The following CTNNA3 variants were observed in gnomAD, a reference collection of about 807,000 sequenced individuals.
The protein encoded by CTNNA3 is catenin alpha 3, also known as catenin alpha-3.
CTNNA3 carries 76 observed loss-of-function variants against 95.7 expected under a neutral mutation model. The ratio of observed to expected loss-of-function variants is 0.79; its 90% CI spans 0.66 to 0.96. The LOEUF (loss-of-function observed/expected upper bound fraction) is 0.96, where lower values mean the gene tolerates loss of function less well. Ranked by LOEUF, CTNNA3 falls within the 40% of genes least tolerant of loss-of-function variation. The pLI is 0.00. For synonymous variants in CTNNA3, 431 were observed against 374.4 expected (o/e 1.15, Z -1.74); for missense variants, 1,191 against 1,089.8 (o/e 1.09, Z -1.31).
At chr10:67,704,402 C>G (rs1841064215) in intron 1 of CTNNA3, among the ~76,000 whole-genome samples, 1 of 152,210 alleles carries the variant, frequency 6.6e-6, no homozygotes, top group Non-Finnish European at 1.5e-5. Context: ...GTAACCAAAA[C>G]AGCATGGTAC....
intron 1 of CTNNA3, among the ~76,000 whole-genome samples, chr10:67,702,144 C>A (rs1419845485): frequency 6.6e-6 from 1 of 152,158 alleles, no homozygotes; most frequent in Non-Finnish European, 1.5e-5. Context: ...GAGTGACCTA[C>A]AAAGAGACTT....
At chr10:66,600,969 G>C (rs1843901279) in intron 10 of CTNNA3, among the ~76,000 whole-genome samples, 1 of 151,840 alleles carries the variant, frequency 6.6e-6, no homozygotes, top group Non-Finnish European at 1.5e-5. Context: ...AAAATTATTA[G>C]TGTTCAAATC....
intron 10 of CTNNA3, among the ~76,000 whole-genome samples, chr10:66,607,564 T>C (rs1844174874): frequency 7.4e-6 from 1 of 134,424 alleles, no homozygotes; most frequent in Non-Finnish European, 1.6e-5. Context: ...CTCAACAAAA[T>C]ACCTGCAAAC....
At chr10:66,986,596 A>G (rs964870190) in intron 7 of CTNNA3, among the ~76,000 whole-genome samples, 1 of 152,202 alleles carries the variant, frequency 6.6e-6, no homozygotes, top group African/African-American at 2.4e-5. Context: ...TCTGTAGTTT[A>G]TAGGAGAATG....
intron 6 of CTNNA3, among the ~76,000 whole-genome samples, chr10:67,185,118 T>A (rs1343151950): frequency 6.6e-6 from 1 of 151,996 alleles, no homozygotes; most frequent in African/African-American, 2.4e-5. Flanking sequence ...TCTTCCTATT[T>A]TTCTTTTTTT....
At chr10:66,825,439 C>A (rs980730436) in intron 7 of CTNNA3, among the ~76,000 whole-genome samples, 2 of 151,488 alleles carry the variant, frequency 1.3e-5, no homozygotes, top group Non-Finnish European at 2.9e-5. Flanking sequence ...CCACACCCGG[C>A]TAATTTTGGT....
Position 66,668,863 on chromosome 10 carries a change from T to C in CTNNA3, c.1282-47079A>G, listed in dbSNP as rs1846557019. 2.0e-5 allele frequency among the ~76,000 whole-genome samples: 3 copies of C among 152,016 alleles called. No homozygotes were observed. In the South Asian group the frequency reaches 6.2e-4, roughly 32 times the overall value. On this transcript the variant is annotated intron_variant, in intron 9 of 17. Coordinates refer to ENST00000433211, the MANE Select transcript of CTNNA3 (RefSeq NM_013266.4). Reference sequence around the variant, plus strand: ...CACATATATATTCTATATATATATATCTCATTGTGCAAAGTTCCCAAATTA... The same window carrying C: ...CACATATATATTCTATATATATATACCTCATTGTGCAAAGTTCCCAAATTA...
chr10:67,374,251 T>C (rs1843607011), intron 5 of CTNNA3, among the ~76,000 whole-genome samples: 1 of 152,020 alleles, frequency 6.6e-6, no homozygotes, highest in South Asian at 2.1e-4. Context: ...AGTAAACAAG[T>C]GGGTGTGACT....
At chr10:66,779,533 T>G (rs1282961374) in intron 7 of CTNNA3, among the ~76,000 whole-genome samples, 1 of 152,002 alleles carries the variant, frequency 6.6e-6, no homozygotes. Context: ...ATTTTTTTTT[T>G]TGTACTTTTA....
chr10:67,048,208 T>C (rs2133173984), intron 7 of CTNNA3, among the ~76,000 whole-genome samples: 2 of 152,196 alleles, frequency 1.3e-5, no homozygotes, highest in East Asian at 3.9e-4. Context: ...AGGATTAACC[T>C]GGAAGACCCT....
chr10:67,101,119 C>T (rs1858311099), intron 7 of CTNNA3, among the ~76,000 whole-genome samples: 1 of 151,704 alleles, frequency 6.6e-6, no homozygotes, highest in African/African-American at 2.4e-5. Context: ...TATTTCTTAA[C>T]ATACAAGTTC....
At chr10:67,416,999 A>G (rs772916676) in intron 5 of CTNNA3, among the ~76,000 whole-genome samples, 1 of 152,212 alleles carries the variant, frequency 6.6e-6, no homozygotes, top group South Asian at 2.1e-4. Flanking sequence ...GTACTTGTAC[A>G]TTCATCACTG....
At chr10:67,331,854 G>A (rs75038081) in intron 5 of CTNNA3, among the ~76,000 whole-genome samples, 4,009 of 152,128 alleles carry the variant, frequency 0.026, 169 homozygotes, top group African/African-American at 0.088. Context: ...CAAACATAAT[G>A]TCTTCCCAGT....
chr10:67,344,626 T>TAAG (rs1842345256), intron 5 of CTNNA3, among the ~76,000 whole-genome samples: 2 of 152,090 alleles, frequency 1.3e-5, no homozygotes, highest in Non-Finnish European at 2.9e-5. Context: ...TGTTTCACCT[T>TAAG]ATTAGCTTAT....
chr10:66,001,161 C>T (rs139776145), intron 15 of CTNNA3, among the ~76,000 whole-genome samples: 55 of 152,058 alleles, frequency 3.6e-4, no homozygotes, highest in African/African-American at 9.2e-4. Context: ...GCATAGATTT[C>T]GGGGGTCATG....
chr10:66,758,571 A>G (rs1839470423), intron 9 of CTNNA3, among the ~76,000 whole-genome samples: 2 of 152,166 alleles, frequency 1.3e-5, no homozygotes, highest in African/African-American at 4.8e-5. Context: ...TCTTGACCAA[A>G]TACCATGTTG....
Position 67,464,621 on chromosome 10 carries a change from G to T in CTNNA3, c.579+57221C>A, listed in dbSNP as rs933927867. Among the ~76,000 whole-genome samples the T allele has an allele frequency of 2.6e-5, 4 of 152,198 alleles. No homozygotes were observed. The East Asian group carries it at 7.7e-4, about 29-fold the overall frequency. ...TACACTGAATATATAATTCATTAAA[G>T]CTAAAGGACAAAAAGATATCCATGT... is the stretch of plus-strand genomic sequence containing the variant. On this transcript the variant is annotated intron_variant, in intron 5 of 17. Coordinates refer to ENST00000433211, the MANE Select transcript of CTNNA3 (RefSeq NM_013266.4).
intron 7 of CTNNA3, among the ~76,000 whole-genome samples, chr10:67,174,106 T>C (rs1036218120): frequency 1.1e-4 from 17 of 152,358 alleles, no homozygotes; most frequent in African/African-American, 4.1e-4. Context: ...ATAGTTACTT[T>C]TATTTTACAA....
At chr10:67,677,869 C>T (rs1289343948) in intron 1 of CTNNA3, among the ~76,000 whole-genome samples, 1 of 152,126 alleles carries the variant, frequency 6.6e-6, no homozygotes, top group Non-Finnish European at 1.5e-5. Context: ...AATCGAATTG[C>T]TTCAGATTAT....
Sources: gnomAD v4.1 joint callset for allele counts (sites outside exome capture counted in the v4.1 genomes callset) on GRCh38, gnomAD v4.1.1 for gene constraint, MANE v1.5 for transcripts, NCBI Gene and HGNC (gene_info 2026-07-23, HGNC 2026-07-21) for gene names.